Variants in CADM2 observed in about 807,000 individuals in gnomAD.
CADM2 encodes the protein immunoglobulin superfamily member 4D.
A neutral mutation model predicts 49.8 loss-of-function variants in CADM2; 12 were observed. The observed-to-expected ratio is 0.24, with a 90% CI of 0.15 to 0.39. The LOEUF is 0.39. CADM2 is among the 10% of genes least tolerant of loss of function. The pLI is 1.00. For missense variants in CADM2, 378 were observed against 492.3 expected (o/e 0.77, Z 2.20); for synonymous variants, 214 against 175.4 (o/e 1.22, Z -1.74).
At chr3:85,279,000 G>A (rs775215879) in intron 1 of CADM2, among the ~76,000 whole-genome samples, 30 of 151,382 alleles carry the variant, frequency 2.0e-4, no homozygotes, top group Middle Eastern at 6.8e-3. Flanking sequence ...TTAGAAAATT[G>A]TATAGCTTAT....
At chr3:85,762,959 T>C (rs1306965376) in intron 2 of CADM2, among the ~76,000 whole-genome samples, 1 of 152,024 alleles carries the variant, frequency 6.6e-6, no homozygotes, top group Non-Finnish European at 1.5e-5. Context: ...TTTTATTTGC[T>C]AATATCTCTG....
At chr3:84,962,277 A>G (rs2030609748) in intron 1 of CADM2, among the ~76,000 whole-genome samples, 1 of 151,880 alleles carries the variant, frequency 6.6e-6, no homozygotes, top group Admixed American at 6.6e-5. Context: ...AGGATTTAAA[A>G]AAAAAAAAAA....
intron 2 of CADM2, among the ~76,000 whole-genome samples, chr3:85,759,714 C>A (rs1313545426): frequency 6.6e-6 from 1 of 152,062 alleles, no homozygotes. Context: ...AGTCTTTATT[C>A]TGGAAGTCAC....
chr3:85,851,335 T>C (rs993513495), intron 3 of CADM2, among the ~76,000 whole-genome samples: 1 of 152,070 alleles, frequency 6.6e-6, no homozygotes, highest in African/African-American at 2.4e-5. Context: ...GAGTGATTTT[T>C]CCTAAATTGC....
chr3:85,475,867 T>C (rs763810115), intron 1 of CADM2, among the ~76,000 whole-genome samples: 2 of 151,910 alleles, frequency 1.3e-5, no homozygotes, highest in Non-Finnish European at 2.9e-5. Flanking sequence ...ATTACCTCAA[T>C]TAAAATCAAT....
At chr3:85,327,388 T>G (rs2044782407) in intron 1 of CADM2, among the ~76,000 whole-genome samples, 3 of 151,976 alleles carry the variant, frequency 2.0e-5, no homozygotes. Context: ...CCTGAGTAAC[T>G]GGGATTACAG....
intron 1 of CADM2, among the ~76,000 whole-genome samples, chr3:85,461,420 A>G (rs1355245715): frequency 1.3e-5 from 2 of 152,198 alleles, no homozygotes; most frequent in African/African-American, 4.8e-5. Context: ...TTCACATAAC[A>G]TACGCTTTTA....
intron 1 of CADM2, among the ~76,000 whole-genome samples, chr3:85,619,515 C>T (rs1417323017): frequency 6.6e-6 from 1 of 152,098 alleles, no homozygotes; most frequent in Admixed American, 6.6e-5. Context: ...CAGTTAGATA[C>T]ATCACCTTCC....
chr3:85,469,994 C>A (rs1057468316), intron 1 of CADM2, among the ~76,000 whole-genome samples: 1 of 151,996 alleles, frequency 6.6e-6, no homozygotes, highest in Non-Finnish European at 1.5e-5. Flanking sequence ...TGGAGGGAAG[C>A]GGAGTAGGAA....
intron 1 of CADM2, among the ~76,000 whole-genome samples, chr3:85,375,416 A>G (rs2033536518): frequency 6.6e-6 from 1 of 152,218 alleles, no homozygotes; most frequent in Non-Finnish European, 1.5e-5. Flanking sequence ...GTCCCAGGGA[A>G]ACCCTGACTG....
At chr3:85,311,304 A>C (rs536904432) in intron 1 of CADM2, among the ~76,000 whole-genome samples, 116 of 151,638 alleles carry the variant, frequency 7.6e-4, no homozygotes, top group African/African-American at 2.7e-3. Context: ...GAAATAATAA[A>C]CATGCATACT....
chr3:85,627,420 T>C (rs2107509542), intron 1 of CADM2, among the ~76,000 whole-genome samples: 1 of 152,186 alleles, frequency 6.6e-6, no homozygotes, highest in Non-Finnish European at 1.5e-5. Flanking sequence ...TGAATATTCA[T>C]ATATATACAT....
At chr3:84,976,133 A>C (rs1272030260) in intron 1 of CADM2, among the ~76,000 whole-genome samples, 1 of 151,854 alleles carries the variant, frequency 6.6e-6, no homozygotes, top group Non-Finnish European at 1.5e-5. Context: ...TATTTGTATT[A>C]TAATACTTTC....
At chr3:84,991,897 A>C (rs76874585) in intron 1 of CADM2, among the ~76,000 whole-genome samples, 3,924 of 152,268 alleles carry the variant, frequency 0.026, 72 homozygotes, top group African/African-American at 0.046. Context: ...AGCCAATCTG[A>C]AAAGGCTACA....
chr3:85,688,133 G>A (rs758194726), intron 1 of CADM2, among the ~76,000 whole-genome samples: 1 of 152,194 alleles, frequency 6.6e-6, no homozygotes, highest in African/African-American at 2.4e-5. Context: ...GTTGGGGACA[G>A]GTTGTCTAGA....
chr3:85,869,877 G>A lies in CADM2; in HGVS notation c.239-13414G>A, dbSNP rs371041901. ...GGAGTTTCACCATGTTAGCCAGGAC[G>A]GTATTGATCTCCTGACCTCGTGATC... On this transcript the variant is annotated intron_variant, in intron 3 of 9. Transcript: ENST00000383699. Among the ~76,000 whole-genome samples the A allele has an allele frequency of 9.9e-5, 15 of 152,008 alleles. No homozygotes were observed. The East Asian group carries it at 1.2e-3, about 12-fold the overall frequency.
intron 1 of CADM2, among the ~76,000 whole-genome samples, chr3:85,545,641 T>A (rs2061652117): frequency 6.6e-6 from 1 of 152,180 alleles, no homozygotes; most frequent in South Asian, 2.1e-4. Context: ...CTATGAGGTC[T>A]TTTTTCACAT....
intron 2 of CADM2, among the ~76,000 whole-genome samples, chr3:85,767,538 C>A (rs1359765693): frequency 1.3e-5 from 2 of 152,156 alleles, no homozygotes; most frequent in Non-Finnish European, 2.9e-5. Flanking sequence ...CACTAAATTT[C>A]TTGTGGCTGG....
At chr3:86,028,453 A>T (rs1734181923) in intron 8 of CADM2, among the ~76,000 whole-genome samples, 2 of 152,116 alleles carry the variant, frequency 1.3e-5, no homozygotes, top group Admixed American at 6.6e-5. Context: ...CAAGAACCAT[A>T]AAAAAAGTGT....
Sources: allele counts gnomAD v4.1 joint callset (sites outside exome capture counted in the v4.1 genomes callset), GRCh38; gene constraint gnomAD v4.1.1; transcripts MANE v1.5; gene names NCBI Gene and HGNC (gene_info 2026-07-23, HGNC 2026-07-21).